CSMD1: variants seen among roughly 807,000 people sequenced by gnomAD.
CSMD1 encodes the protein CUB and Sushi multiple domains 1, also known as CUB and sushi domain-containing protein 1.
A neutral mutation model predicts 417.5 loss-of-function variants in CSMD1; 213 were observed. The ratio of observed to expected loss-of-function variants is 0.51; its 90% CI spans 0.46 to 0.57. The LOEUF (loss-of-function observed/expected upper bound fraction) is 0.57. CSMD1 is among the 20% of genes least tolerant of loss of function. The pLI is 0.00. For missense variants in CSMD1, 6,923 were observed against 4,529.7 expected (o/e 1.53, Z -15.17); for synonymous variants, 2,862 against 1,736.8 (o/e 1.65, Z -16.11).
At chr8:3,284,614 A>G (rs560370994) in intron 25 of CSMD1, 30 of 427,598 alleles carry the variant, frequency 7.0e-5, no homozygotes, top group South Asian at 6.8e-4. Context: ...ATTTTAGGAT[A>G]AAAGGATTGC....
intron 6 of CSMD1, among the ~76,000 whole-genome samples, chr8:3,731,172 T>C (rs2623694): frequency 0.71 from 108,358 of 151,970 alleles, 38,943 homozygotes; most frequent in South Asian, 0.78. Context: ...ACTTCCATCA[T>C]TCCAAAGTAA....
At chr8:4,223,158 C>T (rs1014309204) in intron 3 of CSMD1, among the ~76,000 whole-genome samples, 2 of 152,138 alleles carry the variant, frequency 1.3e-5, no homozygotes, top group South Asian at 4.2e-4. Flanking sequence ...GGCAACGCCA[C>T]CCAGAGGAGC....
chr8:3,757,092 T>G (rs1402668904), intron 5 of CSMD1, among the ~76,000 whole-genome samples: 1 of 152,172 alleles, frequency 6.6e-6, no homozygotes, highest in African/African-American at 2.4e-5. Context: ...CGTGAACCAC[T>G]GTGCCAGCCT....
chr8:3,469,625 A>AAC (rs1816971935), intron 11 of CSMD1, among the ~76,000 whole-genome samples: 1 of 152,176 alleles, frequency 6.6e-6, no homozygotes, highest in African/African-American at 2.4e-5. Flanking sequence ...ATTCAACCAA[A>AAC]ACAAATGTCC....
intron 25 of CSMD1, among the ~76,000 whole-genome samples, chr8:3,302,883 C>T (rs1424621522): frequency 1.3e-5 from 2 of 152,114 alleles, no homozygotes; most frequent in Admixed American, 6.5e-5. Flanking sequence ...CAGAACTTTG[C>T]AAAGTGAGTG....
intron 1 of CSMD1, among the ~76,000 whole-genome samples, chr8:4,966,227 A>AAAT (rs1554534349): frequency 6.6e-6 from 1 of 150,662 alleles, no homozygotes; most frequent in Non-Finnish European, 1.5e-5. Context: ...AAAAAAAAAA[A>AAAT]AATTAGCTGG....
chr8:3,823,467 G>A (rs191422844), intron 5 of CSMD1, among the ~76,000 whole-genome samples: 6 of 152,114 alleles, frequency 3.9e-5, no homozygotes, highest in African/African-American at 1.4e-4. Flanking sequence ...CAATTTTTAT[G>A]CAACGAATGT....
intron 26 of CSMD1, among the ~76,000 whole-genome samples, chr8:3,240,618 A>T (rs1247040613): frequency 1.3e-5 from 2 of 152,176 alleles, no homozygotes; most frequent in African/African-American, 2.4e-5. Flanking sequence ...GCTGAGCCTG[A>T]TGGGTGTCAG....
At chr8:3,229,341 C>A (rs992841623) in intron 27 of CSMD1, among the ~76,000 whole-genome samples, 1 of 152,106 alleles carries the variant, frequency 6.6e-6, no homozygotes, top group Non-Finnish European at 1.5e-5. Context: ...AGATGATATA[C>A]TCTAAGTACG....
intron 1 of CSMD1, among the ~76,000 whole-genome samples, chr8:4,872,224 G>A (rs184817544): frequency 2.6e-5 from 4 of 152,194 alleles, no homozygotes; most frequent in African/African-American, 7.2e-5. Flanking sequence ...TTGGAGTTGG[G>A]ACGACAATAT....
At chr8:4,795,557 C>T (rs548909582) in intron 1 of CSMD1, among the ~76,000 whole-genome samples, 70 of 152,108 alleles carry the variant, frequency 4.6e-4, no homozygotes, top group African/African-American at 1.6e-3. Flanking sequence ...CCACCGCACC[C>T]GGCCAGCTTT....
In CSMD1 at chr8:3,270,759, G is replaced by A. The variant is rs11779729; in HGVS notation, c.4153+13385C>T. Among the ~76,000 whole-genome samples, 2,564 of 152,170 alleles carry A rather than the reference G, an allele frequency of 0.017. 95 individuals carry two copies. The East Asian group carries it at 0.19, about 11-fold the overall frequency. ...CAGAGGGGAAGGAACTTTGCTATTT[G>A]TATTAGTCTGTTTTCATGCTGCTGA... is the stretch of plus-strand genomic sequence containing the variant. On this transcript the variant is annotated intron_variant, in intron 26 of 69. Transcript: ENST00000635120.
intron 2 of CSMD1, among the ~76,000 whole-genome samples, chr8:4,600,424 T>A (rs1800520422): frequency 1.3e-5 from 2 of 152,324 alleles, no homozygotes; most frequent in South Asian, 4.1e-4. Context: ...GATATGTTCC[T>A]TATTTCAGAA....
chr8:4,576,819 TAA>T (rs1799159170), intron 2 of CSMD1, among the ~76,000 whole-genome samples: 1 of 151,938 alleles, frequency 6.6e-6, no homozygotes, highest in Non-Finnish European at 1.5e-5. Flanking sequence ...TATTAATACT[TAA>T]AACAAACTAT....
intron 23 of CSMD1, among the ~76,000 whole-genome samples, chr8:3,341,683 G>A (rs7013200): frequency 0.06 from 9,167 of 152,194 alleles, 888 homozygotes; most frequent in African/African-American, 0.21. Context: ...GGCAGGATTT[G>A]TAAGAAAAAG....
intron 7 of CSMD1, among the ~76,000 whole-genome samples, chr8:3,625,810 G>A (rs369200941): frequency 3.3e-5 from 5 of 151,874 alleles, no homozygotes; most frequent in East Asian, 1.9e-4. Context: ...TTTTAACATC[G>A]CCTGCCCTAG....
chr8:3,503,167 A>G (rs73501561), intron 10 of CSMD1, among the ~76,000 whole-genome samples: 5,894 of 152,326 alleles, frequency 0.039, 163 homozygotes, highest in African/African-American at 0.059. Flanking sequence ...ATTTCAACCT[A>G]GAAAAAAGTA....
chr8:3,539,542 G>A (rs746681870), intron 10 of CSMD1, among the ~76,000 whole-genome samples: 2 of 151,980 alleles, frequency 1.3e-5, no homozygotes, highest in Admixed American at 6.6e-5. Flanking sequence ...CATTTTAAAC[G>A]TGCAAGGAAA....
intron 25 of CSMD1, among the ~76,000 whole-genome samples, chr8:3,296,667 C>T (rs893085601): frequency 2.6e-5 from 4 of 152,096 alleles, no homozygotes; most frequent in Admixed American, 2.6e-4. Flanking sequence ...AGGCACTGGT[C>T]AGGTCCTGGA....
Sources: allele counts gnomAD v4.1 joint callset (sites outside exome capture counted in the v4.1 genomes callset), GRCh38; gene constraint gnomAD v4.1.1; transcripts MANE v1.5; gene names NCBI Gene and HGNC (gene_info 2026-07-23, HGNC 2026-07-21).